Variants in MPP3 observed in about 807,000 individuals in gnomAD.
MPP3 encodes the protein MAGUK p55 scaffold protein 3.
Under a neutral mutation model 80.7 loss-of-function variants are expected in MPP3, and 48 were observed. The ratio of observed to expected loss-of-function variants is 0.59; its 90% CI spans 0.47 to 0.76. The LOEUF (loss-of-function observed/expected upper bound fraction) is 0.76, where lower values mean the gene tolerates loss of function less well. MPP3 is among the 30% of genes least tolerant of loss of function. The probability of loss-of-function intolerance (pLI) is 0.00; values close to 1 mark genes in which losing one functional copy is unlikely to be tolerated. For synonymous variants in MPP3, 311 were observed against 297.6 expected, an observed-to-expected ratio of 1.04 and a Z score of -0.46; for missense variants, 620 against 763.0, an observed-to-expected ratio of 0.81 and a Z score of 2.21.
chr17:43,809,448 T>C (rs976328540), intron 18 of MPP3, among the ~76,000 whole-genome samples: 4 of 152,216 alleles, frequency 2.6e-5, no homozygotes, highest in Non-Finnish European at 5.9e-5. Context: ...TGTGTATCTA[T>C]TTAGTCAAAT....
At position 43,820,819 on chromosome 17, in the gene MPP3, TG is replaced by T. The variant is rs752809092; in HGVS notation, c.881+42del. 1.7e-5 allele frequency: 27 copies of T among 1,593,796 alleles called. 1 individual carries two copies. In the South Asian group the frequency reaches 3.0e-4, roughly 18 times the overall value. On this transcript the variant is annotated intron_variant, in intron 11 of 19. Coordinates refer to ENST00000398389, the MANE Select transcript of MPP3 (RefSeq NM_001932.6). Reference sequence around the variant, plus strand: ...GGGGTCTGCCATGTACCTGTGCCTCTGCCACTCTGGAACCAGCCCTTCACAA... The same window carrying T: ...GGGGTCTGCCATGTACCTGTGCCTCTCCACTCTGGAACCAGCCCTTCACAA...
rs1396297960 is a variant in MPP3 at position 43,827,758 on chromosome 17, G to A, written c.516C>T (p.Asp172=). The change falls in exon 8 of 20, where the codon GAC becomes GAT. Residue 172 remains aspartate, a synonymous_variant. Coordinates refer to ENST00000398389, the MANE Select transcript of MPP3 (RefSeq NM_001932.6). ...VARIMRGGAA[D]RSGLVHVGDE... ...TGCACTGCCGCCACTCACCGCTCCTGTCTGCTGCGCCTCCTCGCATGATCC... is the reference window on the plus strand; with the variant it reads ...TGCACTGCCGCCACTCACCGCTCCTATCTGCTGCGCCTCCTCGCATGATCC... The A allele has an allele frequency of 1.2e-6, 2 of 1,611,442 alleles. No individual in the cohort carries two copies. The highest frequency in any genetic ancestry group is 1.7e-5 in the Admixed American group (1 of 60,022).
Position 43,829,759 on chromosome 17 carries a change from C to G in MPP3, c.336G>C (p.Gln112His). ...GCGGGAGAACGGGGTCAAAATTCTT[C>G]TGGGCAACCGTGTCATGTACCATGA... ...AVLMVHDTVA[Q>H]KNFDPVLPPL... is the part of the protein sequence containing the mutation. Residue 112 changes from glutamine to histidine, a missense_variant, in exon 7 of 20, where the codon CAG becomes CAC. Coordinates refer to ENST00000398389, the MANE Select transcript of MPP3 (RefSeq NM_001932.6). The G allele has an allele frequency of 6.2e-7, 1 of 1,613,966 alleles. No individual in the cohort carries two copies. Among genetic ancestry groups the G allele is most frequent in the Non-Finnish European group, 8.5e-7 (1 of 1,179,998 alleles).
intron 11 of MPP3, among the ~76,000 whole-genome samples, chr17:43,820,602 A>AT (rs1249998850): frequency 9.7e-4 from 128 of 132,128 alleles, no homozygotes; most frequent in South Asian, 3.5e-3. Context: ...AAAAAAAAAA[A>AT]AATACACACA....
chr17:43,830,107 C>A lies in MPP3; in HGVS notation c.223G>T (p.Val75Leu), dbSNP rs1332252156. The A allele has an allele frequency of 1.3e-6, 2 of 1,536,080 alleles. No individual in the cohort carries two copies. The highest frequency in any genetic ancestry group is 1.8e-6 in the Non-Finnish European group (2 of 1,142,468). ...GAGGCGGCCTGCAACTCCTCCATCA[C>A]CTGCAGAGAATGAGACAGGCGCCAC... The part of the protein sequence containing the change: ...LHSAVALAED[V>L]MEELQAASVH... Residue 75 changes from valine (V) to leucine (L), a missense_variant and splice_region_variant, in exon 6 of 20, where the codon GTG (valine) becomes TTG (leucine). Val to Leu is a conservative substitution (Grantham distance 32). Coordinates refer to ENST00000398389, the MANE Select transcript of MPP3 (RefSeq NM_001932.6).
chr17:43,832,529 T>A (rs1445809774), intron 2 of MPP3, among the ~76,000 whole-genome samples: 2 of 152,042 alleles, frequency 1.3e-5, no homozygotes, highest in African/African-American at 4.8e-5. Context: ...GGGCTTCCAC[T>A]ATGCAGGAGG....
intron 18 of MPP3, among the ~76,000 whole-genome samples, chr17:43,809,484 A>C (rs1040407671): frequency 1.3e-5 from 2 of 152,218 alleles, no homozygotes; most frequent in African/African-American, 4.8e-5. Context: ...ACATTATTAC[A>C]AACTTTGTGC....
chr17:43,817,461 A>G (rs1258036095), intron 12 of MPP3, among the ~76,000 whole-genome samples: 1 of 152,232 alleles, frequency 6.6e-6, no homozygotes, highest in Non-Finnish European at 1.5e-5. Context: ...TTGAATTTCA[A>G]ATAAACAACA....
chr17:43,816,646 C>A, intron 13 of MPP3, 31 bp downstream of exon 13: 1 of 1,562,998 alleles, frequency 6.4e-7, no homozygotes, highest in Non-Finnish European at 8.7e-7. Context: ...AGGGGCCACG[C>A]CTGTGGACAG....
rs2045939752 is a variant in MPP3, at chr17:43,831,176, G to A, written c.222+68C>T. On this transcript the variant is annotated intron_variant, in intron 5 of 19. Coordinates refer to ENST00000398389, the MANE Select transcript of MPP3 (RefSeq NM_001932.6). ...CGGTGTCCCCACACTAAGCAAGCGA[G>A]GCAAGATGAAGGAGCCCTACAGGGT... 7.5e-6 allele frequency: 11 copies of A among 1,473,788 alleles called. No individual in the cohort carries two copies. The Admixed American group carries it at 1.0e-4, about 14-fold the overall frequency. 91.3% of individuals were successfully genotyped at this position (1,473,788 alleles called of 1,614,324 possible).
rs778455881 is a variant in MPP3 at position 43,830,039 on chromosome 17, G to T, written c.291C>A (p.Thr97=). The T allele has an allele frequency of 6.3e-7, 1 of 1,598,426 alleles. No individual in the cohort carries two copies. The highest frequency in any genetic ancestry group is 1.7e-5 in the Admixed American group (1 of 57,304). Residue 97 remains threonine, a synonymous_variant, in exon 6 of 20, where the codon ACC becomes ACA. Coordinates refer to ENST00000398389, the MANE Select transcript of MPP3 (RefSeq NM_001932.6). ...TCTGTGTGACTACCCTCAGGTGCGG[G>T]GTGGACAGCAGCTGGAGCAGCTCCC... is the stretch of plus-strand genomic sequence containing the variant. ...DERELLQLLS[T]PHLRAVLMVH...
chr17:43,819,147 C>T (rs2045300610), intron 11 of MPP3: 1 of 152,206 alleles, frequency 6.6e-6, no homozygotes, highest in Admixed American at 6.5e-5. Context: ...TAACAAGTCC[C>T]CAGGTGACGC....
At chr17:43,831,110 A>G (rs1263449046) in intron 5 of MPP3, 134 bp downstream of exon 5, 1 of 781,318 alleles carries the variant, frequency 1.3e-6, no homozygotes, top group Non-Finnish European at 2.1e-6. Flanking sequence ...GGAGGAGGAC[A>G]AGGGAAGAAA....
intron 5 of MPP3, among the ~76,000 whole-genome samples, chr17:43,830,949 C>A (rs1364803420): frequency 6.6e-6 from 1 of 152,146 alleles, no homozygotes; most frequent in Non-Finnish European, 1.5e-5. Context: ...AACTGCTGAG[C>A]CAATCCAATG....
At chr17:43,811,256 G>T in intron 16 of MPP3, 51 bp from the exon 17 acceptor site, 2 of 1,402,234 alleles carry the variant, frequency 1.4e-6, no homozygotes, top group South Asian at 1.2e-5. Flanking sequence ...ATCACAGCAC[G>T]CAGGGACAGC....
chr17:43,802,184 G>A (rs1376234277), intron 19 of MPP3, among the ~76,000 whole-genome samples: 1 of 152,192 alleles, frequency 6.6e-6, no homozygotes, highest in Non-Finnish European at 1.5e-5. Context: ...CTATAACTGT[G>A]TATATATGCT....
chr17:43,830,190 C>A (rs2045900804), intron 5 of MPP3, 83 bp from the exon 6 acceptor site: 1 of 1,027,622 alleles, frequency 9.7e-7, no homozygotes, highest in Admixed American at 3.3e-5. Flanking sequence ...TTGGAAGGGC[C>A]CACCCAGCTG....
intron 7 of MPP3, among the ~76,000 whole-genome samples, chr17:43,829,320 A>G (rs1192455324): frequency 6.6e-6 from 1 of 152,224 alleles, no homozygotes; most frequent in African/African-American, 2.4e-5. Flanking sequence ...GTTGTGCTCC[A>G]AAAAAGCTTT....
intron 11 of MPP3, among the ~76,000 whole-genome samples, chr17:43,820,647 T>A (rs1392004441): frequency 8.4e-6 from 1 of 119,334 alleles, no homozygotes; most frequent in Non-Finnish European, 1.9e-5. Context: ...CACATTAACT[T>A]AATAACATAA....
Sources: allele counts gnomAD v4.1 joint callset (sites outside exome capture counted in the v4.1 genomes callset), GRCh38; gene constraint gnomAD v4.1.1; transcripts MANE v1.5; gene names NCBI Gene and HGNC (gene_info 2026-07-23, HGNC 2026-07-21).